CRACDL: variants seen among roughly 807,000 people sequenced by gnomAD.
The protein encoded by CRACDL is CRACD like, also known as CRACD-like protein.
Under a neutral mutation model 70.6 loss-of-function variants are expected in CRACDL, and 26 were observed. The observed-to-expected ratio is 0.37, with a 90% CI of 0.27 to 0.51. The LOEUF (loss-of-function observed/expected upper bound fraction) is 0.51. Ranked by LOEUF, CRACDL falls within the 20% of genes least tolerant of loss-of-function variation. The pLI is 0.94. For missense variants in CRACDL, 1,283 were observed against 1,376.9 expected (o/e 0.93, Z 1.08); for synonymous variants, 618 against 615.2 (o/e 1.00, Z -0.07).
chr2:98,836,150 G>A (rs930115878), intron 3 of CRACDL, among the ~76,000 whole-genome samples: 44 of 152,174 alleles, frequency 2.9e-4, no homozygotes, highest in Non-Finnish European at 7.4e-5. Flanking sequence ...AAAGGAAATC[G>A]TTATAGATTA....
At chr2:98,819,815 CT>C (rs34640405) in intron 7 of CRACDL, among the ~76,000 whole-genome samples, 482 of 99,010 alleles carry the variant, frequency 4.9e-3, no homozygotes, top group Middle Eastern at 0.021. Flanking sequence ...CTGAAACATT[CT>C]TTTTTTTTTT....
At chr2:98,932,710 G>A (rs769230750) in intron 1 of CRACDL, among the ~76,000 whole-genome samples, 38 of 152,246 alleles carry the variant, frequency 2.5e-4, no homozygotes, top group Non-Finnish European at 4.4e-4. Flanking sequence ...GTCTTTTTCA[G>A]GTAATAAAAA....
intron 7 of CRACDL, among the ~76,000 whole-genome samples, chr2:98,810,045 C>CCT (rs1704490101): frequency 2.0e-5 from 3 of 152,302 alleles, no homozygotes; most frequent in Middle Eastern, 3.4e-3. Context: ...TTGCTCCCTC[C>CCT]CTCATCCCAG....
In CRACDL at chr2:98,823,026, G is replaced by C; in HGVS notation, c.1247C>G (p.Thr416Ser). The stretch of plus-strand genomic sequence containing the variant: ...CGCCTCTGAGGTGGCGGCGGGGTCA[G>C]TCTCGGGGGGAGTCGTGTCCCCCTC... ...IPEGDTTPPETDPAATSEAPS... is the reference protein window; with the variant it reads ...IPEGDTTPPESDPAATSEAPS... The change falls in exon 7 of 10, where the codon ACT becomes AGT. Residue 416 changes from threonine (T) to serine (S), a missense_variant. Transcript: ENST00000397899. The surrounding 1 kb of genome is among the most constrained non-coding windows in gnomAD (Gnocchi z 4.0). 1.3e-6 allele frequency: 2 copies of C among 1,540,894 alleles called. No individual in the cohort carries two copies.
chr2:98,931,007 A>C (rs953687125), intron 1 of CRACDL, among the ~76,000 whole-genome samples: 3 of 152,082 alleles, frequency 2.0e-5, no homozygotes, highest in Non-Finnish European at 4.4e-5. Context: ...CTGAGGTTGC[A>C]GGACTTCTAA....
rs149920395 is a variant in CRACDL, at chr2:98,916,745, G to A, written c.-11+19193C>T. Among the ~76,000 whole-genome samples the A allele has an allele frequency of 1.1e-3, 169 of 152,094 alleles. 1 individual carries two copies. The highest frequency in any genetic ancestry group is 3.8e-3 in the African/African-American group (157 of 41,476). On this transcript the variant is annotated intron_variant, in intron 1 of 9. Coordinates refer to ENST00000397899, the MANE Select transcript of CRACDL (RefSeq NM_207362.3). ...AGTTCTATGCACCCTGGGAAGAGGA[G>A]GTGAAGACAGCAGCTCCCCAGAGAA... is the stretch of plus-strand genomic sequence containing the variant.
chr2:98,914,959 T>G (rs1708632068), intron 1 of CRACDL, among the ~76,000 whole-genome samples: 1 of 152,142 alleles, frequency 6.6e-6, no homozygotes, highest in East Asian at 1.9e-4. Flanking sequence ...TTGGAGGGTG[T>G]CCAGTGGGCA....
intron 7 of CRACDL, among the ~76,000 whole-genome samples, chr2:98,801,934 C>G (rs1214411321): frequency 1.3e-5 from 2 of 152,226 alleles, no homozygotes; most frequent in East Asian, 3.8e-4. Context: ...TACCCTGGAG[C>G]TTGATGGAGA....
intron 1 of CRACDL, among the ~76,000 whole-genome samples, chr2:98,873,299 T>G (rs1707399852): frequency 6.6e-6 from 1 of 152,240 alleles, no homozygotes; most frequent in Non-Finnish European, 1.5e-5. Context: ...ACATCATCTC[T>G]GTGACAGAGG....
intron 1 of CRACDL, among the ~76,000 whole-genome samples, chr2:98,892,403 T>C (rs10169003): frequency 0.46 from 70,458 of 151,682 alleles, 17,045 homozygotes; most frequent in African/African-American, 0.6. Context: ...AAAAAAGATC[T>C]GAGCAGGCCA....
intron 1 of CRACDL, among the ~76,000 whole-genome samples, chr2:98,891,939 T>A (rs915875492): frequency 6.6e-6 from 1 of 152,198 alleles, no homozygotes; most frequent in Non-Finnish European, 1.5e-5. Context: ...GCAAAGGACA[T>A]GTAAAAACAA....
chr2:98,832,256 G>A, intron 5 of CRACDL, 92 bp downstream of exon 5: 1 of 1,394,812 alleles, frequency 7.2e-7, no homozygotes, highest in Middle Eastern at 2.2e-4. Context: ...ACAGCCTGGA[G>A]ATCTTAGGGG....
intron 1 of CRACDL, among the ~76,000 whole-genome samples, chr2:98,879,736 G>A (rs984361884): frequency 4.6e-5 from 7 of 152,220 alleles, no homozygotes; most frequent in African/African-American, 1.7e-4. Context: ...AGTAAACACA[G>A]GGTTTCGCCG....
chr2:98,800,814 C>T (rs1027851835), intron 7 of CRACDL, among the ~76,000 whole-genome samples: 2 of 152,222 alleles, frequency 1.3e-5, no homozygotes, highest in African/African-American at 4.8e-5. Context: ...AAATGCTGAG[C>T]TTGGCAAGAG....
At chr2:98,812,965 T>G (rs1704635302) in intron 7 of CRACDL, among the ~76,000 whole-genome samples, 1 of 152,212 alleles carries the variant, frequency 6.6e-6, no homozygotes, top group Non-Finnish European at 1.5e-5. Flanking sequence ...TTCTCATATT[T>G]TTTTCTAAAA....
intron 7 of CRACDL, among the ~76,000 whole-genome samples, chr2:98,810,615 A>G (rs1245118391): frequency 1.3e-5 from 2 of 151,972 alleles, no homozygotes; most frequent in Non-Finnish European, 2.9e-5. Context: ...AGACTGGAGG[A>G]AAAAAAACAC....
In CRACDL at chr2:98,832,734, G is replaced by C. The variant is rs1449310343; in HGVS notation, c.375+128C>G. 3 of 1,242,858 alleles carry C rather than the reference G, an allele frequency of 2.4e-6. No individual in the cohort carries two copies. In the African/African-American group the frequency reaches 4.5e-5, roughly 19 times the overall value. The allele number at this position is 1,242,858 out of a possible 1,614,324, so 77.0% of individuals were successfully genotyped here. A position where few individuals can be genotyped will look rare whatever the true frequency, so the allele number is the denominator to read the frequency against. On this transcript the variant is annotated intron_variant, in intron 4 of 9. Coordinates refer to ENST00000397899, the MANE Select transcript of CRACDL (RefSeq NM_207362.3). The stretch of plus-strand genomic sequence containing the variant: ...CACTGCAGCTCATTTGGTGTGTCCT[G>C]GGGGAGCTGTCATGTACATGTGATT...
chr2:98,820,136 A>G (rs1449594688), intron 7 of CRACDL, among the ~76,000 whole-genome samples: 1 of 152,056 alleles, frequency 6.6e-6, no homozygotes, highest in Non-Finnish European at 1.5e-5. Flanking sequence ...TTTAAAAAAC[A>G]AAATTTGTCA....
chr2:98,929,930 C>T (rs900952753), intron 1 of CRACDL, among the ~76,000 whole-genome samples: 38 of 152,222 alleles, frequency 2.5e-4, no homozygotes, highest in African/African-American at 8.2e-4. Context: ...CAAAGACTCA[C>T]GATACATTCG....
Sources: gnomAD v4.1 joint callset for allele counts (sites outside exome capture counted in the v4.1 genomes callset) on GRCh38, gnomAD v4.1.1 for gene constraint, Gnocchi (gnomAD v3.1) non-coding constraint, MANE v1.5 for transcripts, NCBI Gene and HGNC (gene_info 2026-07-23, HGNC 2026-07-21) for gene names.